Variants in NTRK2 observed in about 807,000 individuals in gnomAD.
The protein encoded by NTRK2 is BDNF/NT-3 growth factors receptor.
NTRK2 carries 13 observed loss-of-function variants against 94.5 expected under a neutral mutation model. The ratio of observed to expected loss-of-function variants is 0.14; its 90% confidence interval spans 0.09 to 0.22. NTRK2 has a LOEUF of 0.22. Among genes scored for constraint, NTRK2 ranks in the 10% least tolerant of loss-of-function variants. The pLI is 1.00. For synonymous variants in NTRK2, 372 were observed against 407.4 expected (o/e 0.91, Z 1.05); for missense variants, 639 against 1,071.2 (o/e 0.60, Z 5.63).
At chr9:84,824,025 G>C (rs920959279) in intron 12 of NTRK2, among the ~76,000 whole-genome samples, 1 of 152,220 alleles carries the variant, frequency 6.6e-6, no homozygotes, top group Non-Finnish European at 1.5e-5. Context: ...GCAGGAGTAT[G>C]ATTTGAGCCA....
At chr9:84,811,245 G>A in intron 12 of NTRK2, 1 of 1,064,200 alleles carries the variant, frequency 9.4e-7, no homozygotes, top group Non-Finnish European at 1.1e-6. Flanking sequence ...GTCAAACAAT[G>A]TTAAGGATTG....
chr9:84,990,133 G>A (rs1828866238), intron 17 of NTRK2, among the ~76,000 whole-genome samples: 1 of 145,972 alleles, frequency 6.9e-6, no homozygotes, highest in Non-Finnish European at 1.5e-5. Flanking sequence ...TAGAAATGTA[G>A]GAGCTTGCTA....
intron 12 of NTRK2, among the ~76,000 whole-genome samples, chr9:84,836,640 C>G (rs1462230727): frequency 2.7e-5 from 4 of 146,608 alleles, no homozygotes; most frequent in Non-Finnish European, 6.0e-5. Context: ...TTGTCCAAAA[C>G]TCATGGAACA....
At chr9:84,736,014 A>G (rs746668677) in intron 9 of NTRK2, among the ~76,000 whole-genome samples, 1 of 152,218 alleles carries the variant, frequency 6.6e-6, no homozygotes, top group Non-Finnish European at 1.5e-5. Flanking sequence ...AACAATTTTG[A>G]AGGCCAGGTA....
intron 17 of NTRK2, among the ~76,000 whole-genome samples, chr9:84,973,921 G>A (rs1324730878): frequency 6.6e-6 from 1 of 152,212 alleles, no homozygotes; most frequent in Non-Finnish European, 1.5e-5. Flanking sequence ...CCTACAGAAT[G>A]TACAGTTTTG....
At chr9:84,687,381 C>T (rs1376690997) in intron 2 of NTRK2, among the ~76,000 whole-genome samples, 1 of 152,200 alleles carries the variant, frequency 6.6e-6, no homozygotes, top group Admixed American at 6.5e-5. Context: ...CTCATTAGAC[C>T]TATTTTTGTT....
In NTRK2 at chr9:85,021,281, C is replaced by A. The variant is rs144491317; in HGVS notation, c.2361C>A (p.Val787=). The A allele has an allele frequency of 2.2e-3, 3,549 of 1,614,052 alleles. 19 individuals carry two copies. The highest frequency in any genetic ancestry group is 0.017 in the African/African-American group (1,257 of 75,014). ...EVIECITQGR[V]LQRPRTCPQE... is the part of the protein sequence containing the mutation. ...TAGAGTGTATCACTCAGGGCCGAGT[C>A]CTGCAGCGACCCCGCACGTGCCCCC... The change falls in exon 19 of 19, where the codon GTC becomes GTA. Residue 787 remains valine (V), a synonymous_variant. Coordinates refer to ENST00000277120, the MANE Select transcript of NTRK2 (RefSeq NM_006180.6).
intron 15 of NTRK2, among the ~76,000 whole-genome samples, chr9:84,946,680 A>G (rs77766956): frequency 0.052 from 7,850 of 152,306 alleles, 277 homozygotes; most frequent in Admixed American, 0.12. Flanking sequence ...TACAGCTGCT[A>G]TAACAGGTTA....
At chr9:84,793,911 T>C (rs1037230743) in intron 12 of NTRK2, among the ~76,000 whole-genome samples, 3 of 152,234 alleles carry the variant, frequency 2.0e-5, no homozygotes, top group African/African-American at 7.2e-5. Context: ...GTTGAGTGAC[T>C]GCTATGGAGC....
At chr9:84,834,730 A>G (rs992460506) in intron 12 of NTRK2, among the ~76,000 whole-genome samples, 2 of 152,194 alleles carry the variant, frequency 1.3e-5, no homozygotes, top group African/African-American at 4.8e-5. Flanking sequence ...CATCTGTAAC[A>G]TTACGCACAA....
At chr9:84,900,765 A>G (rs772639107) in intron 14 of NTRK2, among the ~76,000 whole-genome samples, 16 of 152,234 alleles carry the variant, frequency 1.1e-4, no homozygotes, top group Non-Finnish European at 1.8e-4. Context: ...GACAGTCTGG[A>G]TAAGATTAAA....
At chr9:85,007,021 C>G (rs1274947622) in intron 17 of NTRK2, among the ~76,000 whole-genome samples, 1 of 152,234 alleles carries the variant, frequency 6.6e-6, no homozygotes, top group Admixed American at 6.5e-5. Flanking sequence ...CACATACAAT[C>G]CATTCATTTG....
chr9:84,708,534 T>G (rs1418892603), intron 5 of NTRK2, among the ~76,000 whole-genome samples: 2 of 152,222 alleles, frequency 1.3e-5, no homozygotes, highest in Non-Finnish European at 2.9e-5. Context: ...CCAAGTGAGC[T>G]CCATTCCTTG....
intron 12 of NTRK2, among the ~76,000 whole-genome samples, chr9:84,770,842 T>C (rs1485861667): frequency 1.3e-5 from 2 of 152,176 alleles, no homozygotes; most frequent in African/African-American, 2.4e-5. Context: ...GAGCTAGTAA[T>C]TGGTAGAACC....
chr9:84,919,949 C>T (rs1326817955), intron 14 of NTRK2, among the ~76,000 whole-genome samples: 7 of 152,116 alleles, frequency 4.6e-5, no homozygotes, highest in Admixed American at 6.5e-5. Flanking sequence ...CTGTAAGTCA[C>T]GTAGTTAGTT....
At chr9:84,797,231 A>AT (rs2069439929) in intron 12 of NTRK2, among the ~76,000 whole-genome samples, 1 of 151,782 alleles carries the variant, frequency 6.6e-6, no homozygotes, top group African/African-American at 2.4e-5. Flanking sequence ...CCTGCTATCT[A>AT]TTTTTCATAA....
At chr9:84,942,333 G>A (rs537458286) in intron 15 of NTRK2, among the ~76,000 whole-genome samples, 1 of 152,248 alleles carries the variant, frequency 6.6e-6, no homozygotes, top group East Asian at 1.9e-4. Flanking sequence ...CCTATTTTTA[G>A]AAAAGATTCT....
chr9:85,012,001 A>ATTTT (rs1564549497), intron 17 of NTRK2, among the ~76,000 whole-genome samples: 3 of 150,452 alleles, frequency 2.0e-5, no homozygotes, highest in South Asian at 2.1e-4. Flanking sequence ...ATTTTATTTT[A>ATTTT]CTTTTGAGAT....
intron 17 of NTRK2, among the ~76,000 whole-genome samples, chr9:84,999,006 C>T (rs1397842269): frequency 1.3e-5 from 2 of 152,198 alleles, no homozygotes; most frequent in Admixed American, 6.5e-5. Flanking sequence ...CTGTTGACTT[C>T]TGACTTTGAG....
Sources: allele counts gnomAD v4.1 joint callset (sites outside exome capture counted in the v4.1 genomes callset), GRCh38; gene constraint gnomAD v4.1.1; transcripts MANE v1.5; gene names NCBI Gene and HGNC (gene_info 2026-07-23, HGNC 2026-07-21).